IL1RAPL2: variants seen among roughly 807,000 people sequenced by gnomAD.
The protein encoded by IL1RAPL2 is interleukin 1 receptor accessory protein like 2.
Under a neutral mutation model 44.1 loss-of-function variants are expected in IL1RAPL2, and 3 were observed. That is an observed-to-expected ratio of 0.07 (90% CI 0.03 to 0.18). IL1RAPL2 has a LOEUF of 0.18. IL1RAPL2 is among the 10% of genes least tolerant of loss of function. The pLI, the probability that IL1RAPL2 is intolerant of heterozygous loss-of-function variation, is 1.00. For synonymous variants in IL1RAPL2, 181 were observed against 178.8 expected (o/e 1.01, Z -0.10); for missense variants, 391 against 496.4 (o/e 0.79, Z 2.02).
intron 5 of IL1RAPL2, among the ~76,000 whole-genome samples, chrX:105,453,826 C>A (rs1202312150): frequency 1.8e-5 from 2 of 111,656 alleles, no homozygotes; most frequent in East Asian, 5.6e-4. Flanking sequence ...GAAACAAATG[C>A]TAAATACAGT....
intron 1 of IL1RAPL2, among the ~76,000 whole-genome samples, chrX:104,638,555 T>G (rs1054596738): frequency 3.6e-5 from 4 of 112,085 alleles, no homozygotes; most frequent in African/African-American, 9.7e-5. Context: ...GATGATGTGT[T>G]TCCATTTTCA....
intron 2 of IL1RAPL2, among the ~76,000 whole-genome samples, chrX:104,917,449 G>A (rs1448912366): frequency 9.0e-6 from 1 of 111,613 alleles, no homozygotes; most frequent in Non-Finnish European, 1.9e-5. Context: ...GAAACTAGGA[G>A]TTTCTCTATT....
At chrX:104,731,747 A>C (rs1045942841) in intron 2 of IL1RAPL2, among the ~76,000 whole-genome samples, 2 of 111,976 alleles carry the variant, frequency 1.8e-5, no homozygotes, top group Non-Finnish European at 3.8e-5. Context: ...ATCAATATGC[A>C]AGGAGAAAAA....
chrX:105,674,502 T>A (rs1182796546), intron 6 of IL1RAPL2, among the ~76,000 whole-genome samples: 2 of 111,341 alleles, frequency 1.8e-5, no homozygotes, highest in African/African-American at 6.5e-5. Flanking sequence ...TATTTCTGAG[T>A]TCTCTTCTGT....
At chrX:105,384,482 G>A (rs1303482354) in intron 5 of IL1RAPL2, among the ~76,000 whole-genome samples, 1 of 111,162 alleles carries the variant, frequency 9.0e-6, no homozygotes, top group Non-Finnish European at 1.9e-5. Flanking sequence ...CTATTTTTAT[G>A]CCAGTAGCAT....
intron 2 of IL1RAPL2, among the ~76,000 whole-genome samples, chrX:105,044,717 C>T (rs2031814180): frequency 9.0e-6 from 1 of 111,444 alleles, no homozygotes; most frequent in African/African-American, 3.3e-5. Flanking sequence ...ATATCTTTCC[C>T]ACACTGTACT....
rs1366418414 is a variant in IL1RAPL2, at chrX:104,702,255, C to A, written c.82+43260C>A. Reference sequence around the variant, plus strand: ...TGTCACATTATATAAATTGAATTGTCTTCATGATGTCAGGAAGAGCCGTTG... The same window carrying A: ...TGTCACATTATATAAATTGAATTGTATTCATGATGTCAGGAAGAGCCGTTG... On this transcript the variant is annotated intron_variant, in intron 2 of 10. Transcript: ENST00000372582. Among the ~76,000 whole-genome samples the A allele has an allele frequency of 2.7e-5, 3 of 111,417 alleles. No individual in the cohort carries two copies. The East Asian group carries it at 8.5e-4, about 32-fold the overall frequency.
intron 3 of IL1RAPL2, among the ~76,000 whole-genome samples, chrX:105,222,203 C>T (rs1243797793): frequency 1.8e-5 from 2 of 111,780 alleles, no homozygotes; most frequent in South Asian, 3.7e-4. Context: ...CTGATTTTGG[C>T]GTTTTAAGTT....
At chrX:105,449,820 A>G (rs2036006235) in intron 5 of IL1RAPL2, among the ~76,000 whole-genome samples, 1 of 111,622 alleles carries the variant, frequency 9.0e-6, no homozygotes, top group Non-Finnish European at 1.9e-5. Context: ...TCCTTACTTT[A>G]TCCCAAACAA....
chrX:105,367,711 G>A (rs951316462), intron 5 of IL1RAPL2, among the ~76,000 whole-genome samples: 6 of 111,272 alleles, frequency 5.4e-5, no homozygotes, highest in African/African-American at 2.0e-4. Flanking sequence ...ACAAATGATT[G>A]TATCTATGGT....
intron 1 of IL1RAPL2, among the ~76,000 whole-genome samples, chrX:104,570,094 T>C (rs964872505): frequency 8.9e-6 from 1 of 111,787 alleles, no homozygotes; most frequent in Non-Finnish European, 1.9e-5. Context: ...AGTCCCAAGT[T>C]TGAGGTCTTC....
intron 2 of IL1RAPL2, among the ~76,000 whole-genome samples, chrX:104,899,857 A>T (rs752194915): frequency 2.7e-5 from 3 of 111,991 alleles, no homozygotes; most frequent in Admixed American, 9.5e-5. Flanking sequence ...TTAATCTATC[A>T]TCTATGTGCT....
In IL1RAPL2 at chrX:104,659,877, G is replaced by A. The variant is rs149008734; in HGVS notation, c.82+882G>A. Among the ~76,000 whole-genome samples, 977 of 111,713 alleles carry A rather than the reference G, an allele frequency of 8.7e-3. 6 individuals are homozygous for A. The highest frequency in any genetic ancestry group is 0.03 in the African/African-American group (917 of 30,801). On this transcript the variant is annotated intron_variant, in intron 2 of 10. Coordinates refer to ENST00000372582, the MANE Select transcript of IL1RAPL2 (RefSeq NM_017416.2). The stretch of plus-strand genomic sequence containing the variant: ...GCTTACTTTTCAAAGCAAAAAATGC[G>A]GATTGGGGGGAGGTGCTTGGAGTTT...
chrX:105,582,496 T>C (rs1377353698), intron 6 of IL1RAPL2, among the ~76,000 whole-genome samples: 1 of 111,417 alleles, frequency 9.0e-6, no homozygotes, highest in African/African-American at 3.2e-5. Flanking sequence ...TGCTCTCATG[T>C]TTTATAGTTT....
intron 5 of IL1RAPL2, among the ~76,000 whole-genome samples, chrX:105,435,214 G>A (rs940903071): frequency 9.0e-6 from 1 of 111,705 alleles, no homozygotes; most frequent in African/African-American, 3.3e-5. Context: ...GGTTCCATAT[G>A]AAATTTAAAG....
intron 6 of IL1RAPL2, among the ~76,000 whole-genome samples, chrX:105,671,327 A>G (rs2037822992): frequency 8.9e-6 from 1 of 112,361 alleles, no homozygotes; most frequent in African/African-American, 3.2e-5. Flanking sequence ...TGTTTATATT[A>G]TATCCTGAAA....
intron 6 of IL1RAPL2, among the ~76,000 whole-genome samples, chrX:105,530,864 A>C (rs1378275604): frequency 9.0e-6 from 1 of 110,669 alleles, no homozygotes; most frequent in African/African-American, 3.3e-5. Context: ...GGCTTATTTC[A>C]CTTAACATAA....
chrX:104,919,436 G>A (rs1924561859), intron 2 of IL1RAPL2, among the ~76,000 whole-genome samples: 1 of 108,901 alleles, frequency 9.2e-6, no homozygotes, highest in African/African-American at 3.3e-5. Flanking sequence ...TGTTGGTCAG[G>A]CTGGTCTCAA....
chrX:105,318,755 A>C (rs2034873516), intron 5 of IL1RAPL2, among the ~76,000 whole-genome samples: 1 of 111,255 alleles, frequency 9.0e-6, no homozygotes, highest in African/African-American at 3.3e-5. Flanking sequence ...TGAATAAGCA[A>C]ATTTCTGCCT....
Sources: gnomAD v4.1 joint callset for allele counts (sites outside exome capture counted in the v4.1 genomes callset) on GRCh38, gnomAD v4.1.1 for gene constraint, MANE v1.5 for transcripts, NCBI Gene and HGNC (gene_info 2026-07-23, HGNC 2026-07-21) for gene names.